THRB: variants seen among roughly 807,000 people sequenced by gnomAD.
The protein encoded by THRB is nuclear receptor subfamily 1 group A member 2.
In THRB, 12 loss-of-function variants were observed where a neutral mutation model predicts 47.8. That is an observed-to-expected ratio of 0.25 (90% CI 0.16 to 0.41). THRB has a LOEUF of 0.41. THRB is among the 10% of genes least tolerant of loss of function. The pLI, the probability that THRB is intolerant of heterozygous loss-of-function variation, is 1.00. For synonymous variants in THRB, 218 were observed against 212.2 expected, an observed-to-expected ratio of 1.03 and a Z score of -0.24; for missense variants, 348 against 589.2, an observed-to-expected ratio of 0.59 and a Z score of 4.24.
At chr3:24,209,756 A>T (rs1241636550) in intron 4 of THRB, among the ~76,000 whole-genome samples, 3 of 152,212 alleles carry the variant, frequency 2.0e-5, no homozygotes, top group Admixed American at 6.5e-5. Context: ...GCACACCAAG[A>T]TGGCACATGT....
At chr3:24,307,191 T>C (rs937072115) in intron 2 of THRB, among the ~76,000 whole-genome samples, 1 of 152,070 alleles carries the variant, frequency 6.6e-6, no homozygotes, top group Non-Finnish European at 1.5e-5. Context: ...GAACACTATC[T>C]GAAACCATGA....
intron 1 of THRB, among the ~76,000 whole-genome samples, chr3:24,375,649 C>T (rs1281243988): frequency 6.6e-6 from 1 of 151,306 alleles, no homozygotes; most frequent in African/African-American, 2.4e-5. Flanking sequence ...CTTAGACCCC[C>T]CCAGACTACT....
chr3:24,437,262 G>A (rs558927522), intron 1 of THRB, among the ~76,000 whole-genome samples: 26 of 151,734 alleles, frequency 1.7e-4, no homozygotes, highest in Middle Eastern at 3.4e-3. Flanking sequence ...AGGTCATTGC[G>A]TTAAGTGAAA....
chr3:24,272,377 A>ACAAC (rs1559791569), intron 3 of THRB, among the ~76,000 whole-genome samples: 25 of 146,008 alleles, frequency 1.7e-4, no homozygotes, highest in African/African-American at 5.8e-4. Context: ...ACAACAAACA[A>ACAAC]AAACAAACAA....
At chr3:24,420,793 T>C (rs1413048509) in intron 1 of THRB, among the ~76,000 whole-genome samples, 1 of 151,876 alleles carries the variant, frequency 6.6e-6, no homozygotes, top group Non-Finnish European at 1.5e-5. Context: ...ATTGTGGTGA[T>C]TTCCCAAAGA....
intron 1 of THRB, among the ~76,000 whole-genome samples, chr3:24,350,437 A>C (rs1445283983): frequency 1.3e-5 from 2 of 152,192 alleles, no homozygotes; most frequent in Admixed American, 6.6e-5. Flanking sequence ...GAAAAGCTGA[A>C]AACAATTAAA....
intron 1 of THRB, among the ~76,000 whole-genome samples, chr3:24,412,708 T>C (rs1480176086): frequency 6.6e-6 from 1 of 151,748 alleles, no homozygotes; most frequent in Non-Finnish European, 1.5e-5. Flanking sequence ...AATTATCAAA[T>C]TATCACAAAT....
intron 1 of THRB, among the ~76,000 whole-genome samples, chr3:24,390,699 A>G (rs971706934): frequency 2.0e-5 from 3 of 151,632 alleles, no homozygotes; most frequent in African/African-American, 7.3e-5. Context: ...TATTGTAGTC[A>G]GCTCAGACTT....
rs1459845077 is a variant in THRB at position 24,478,272 on chromosome 3, T to G, written c.-261+16380A>C. ...TTTTAGTTTTGAGGAAGCTATCTTT[T>G]ATGTCATCATTTTTTGTAAGTATCT... On this transcript the variant is annotated intron_variant, in intron 1 of 10. Transcript: ENST00000646209. Among the ~76,000 whole-genome samples, 5 of 152,190 alleles carry G rather than the reference T, an allele frequency of 3.3e-5. No homozygotes were observed. In the East Asian group the frequency reaches 9.6e-4, roughly 29 times the overall value.
chr3:24,390,797 A>AATAT lies in THRB; in HGVS notation c.-260-53430_-260-53427dup, dbSNP rs1553743105. ...ATCTTTACTTTGTAAAAAAAAAAAA[A>AATAT]ATATATATATATATATAATATTATT... is the stretch of plus-strand genomic sequence containing the variant. On this transcript the variant is annotated intron_variant, in intron 1 of 10. Transcript: ENST00000646209. Among the ~76,000 whole-genome samples the AATAT allele has an allele frequency of 1.3e-3, 181 of 137,838 alleles. 1 individual carries two copies. Among genetic ancestry groups the AATAT allele is most frequent in the East Asian group, 6.5e-3 (31 of 4,770 alleles). 90.4% of individuals were successfully genotyped at this position (137,838 alleles called of 152,430 possible).
At chr3:24,464,949 G>A (rs1011836407) in intron 1 of THRB, among the ~76,000 whole-genome samples, 17 of 151,996 alleles carry the variant, frequency 1.1e-4, no homozygotes, top group Non-Finnish European at 1.0e-4. Flanking sequence ...ACAAAAAATA[G>A]TTACTATTAA....
chr3:24,494,885 C>T (rs1044759237), upstream of THRB: 1 of 152,400 alleles, frequency 6.6e-6, no homozygotes, highest in Non-Finnish European at 1.5e-5. Flanking sequence ...TCTCCACCCT[C>T]CTCCGCCCCC....
intron 3 of THRB, among the ~76,000 whole-genome samples, chr3:24,275,011 C>G (rs1407998377): frequency 6.6e-6 from 1 of 151,952 alleles, no homozygotes; most frequent in Non-Finnish European, 1.5e-5. Flanking sequence ...ATCTACTCAT[C>G]GATTGAAGAG....
Position 24,121,790 on chromosome 3 carries a change from G to C in THRB, c.*1094C>G, listed in dbSNP as rs1450147332. On this transcript the variant is annotated 3_prime_UTR_variant, in exon 11 of 11. Transcript: ENST00000646209. ...GCAAGGAGCTTGAGGATCTAACCAG[G>C]AGGAAGCGTCCTCCAGCCATCAGGA... 1 of 152,342 alleles carries C rather than the reference G, an allele frequency of 6.6e-6. No homozygotes were observed. The highest frequency in any genetic ancestry group is 1.9e-4 in the East Asian group (1 of 5,202). The allele number at this position is 152,342 out of a possible 1,614,324, so 9.4% of individuals were successfully genotyped here.
At chr3:24,401,195 G>C (rs887942673) in intron 1 of THRB, among the ~76,000 whole-genome samples, 3 of 152,058 alleles carry the variant, frequency 2.0e-5, no homozygotes, top group African/African-American at 7.2e-5. Context: ...TTGAGAAAGG[G>C]AGTAGTTAGA....
intron 1 of THRB, among the ~76,000 whole-genome samples, chr3:24,343,878 C>T (rs1424709764): frequency 2.0e-5 from 3 of 148,132 alleles, no homozygotes; most frequent in African/African-American, 7.4e-5. Flanking sequence ...GTATATTTGG[C>T]AGAATGTATT....
intron 1 of THRB, among the ~76,000 whole-genome samples, chr3:24,414,063 T>C (rs1181002816): frequency 1.3e-5 from 2 of 151,878 alleles, no homozygotes; most frequent in Admixed American, 6.6e-5. Flanking sequence ...AATAGATATA[T>C]AGAGAGTAGC....
At chr3:24,179,755 A>AG (rs1436816614) in intron 5 of THRB, among the ~76,000 whole-genome samples, 2 of 152,220 alleles carry the variant, frequency 1.3e-5, no homozygotes, top group Non-Finnish European at 2.9e-5. Context: ...TCATTAAAAA[A>AG]GGGGGTCAGA....
chr3:24,235,795 C>T (rs1047421458), intron 3 of THRB, among the ~76,000 whole-genome samples: 55 of 152,166 alleles, frequency 3.6e-4, no homozygotes, highest in African/African-American at 1.3e-3. Context: ...GATGCAGAAT[C>T]AGTGGACATG....
Sources: gnomAD v4.1 joint callset for allele counts (sites outside exome capture counted in the v4.1 genomes callset) on GRCh38, gnomAD v4.1.1 for gene constraint, MANE v1.5 for transcripts, NCBI Gene and HGNC (gene_info 2026-07-23, HGNC 2026-07-21) for gene names.